ANKRD46: variants seen among roughly 807,000 people sequenced by gnomAD.
The protein encoded by ANKRD46 is ankyrin repeat domain 46, also known as ankyrin repeat domain-containing protein 46.
Under a neutral mutation model 19.8 loss-of-function variants are expected in ANKRD46, and 13 were observed. The observed-to-expected ratio is 0.66, with a 90% CI of 0.43 to 1.04. The LOEUF (loss-of-function observed/expected upper bound fraction) is 1.04. Ranked by LOEUF, ANKRD46 falls within the 50% of genes least tolerant of loss-of-function variation. ANKRD46 has a pLI of 0.00. For synonymous variants in ANKRD46, 91 were observed against 106.9 expected (o/e 0.85, Z 0.92); for missense variants, 185 against 274.8 (o/e 0.67, Z 2.31).
At chr8:100,515,425 T>C (rs907148004) in intron 5 of ANKRD46, among the ~76,000 whole-genome samples, 7 of 152,058 alleles carry the variant, frequency 4.6e-5, no homozygotes, top group African/African-American at 1.2e-4. Context: ...CAAAAGAAAA[T>C]TGTTTATCAA....
Sources: gnomAD v4.1 joint callset for allele counts (sites outside exome capture counted in the v4.1 genomes callset) on GRCh38, gnomAD v4.1.1 for gene constraint, MANE v1.5 for transcripts, NCBI Gene and HGNC (gene_info 2026-07-23, HGNC 2026-07-21) for gene names.